UVSSA: variants seen among roughly 807,000 people sequenced by gnomAD.
UVSSA encodes UV-stimulated scaffold protein A.
Under a neutral mutation model 73.9 loss-of-function variants are expected in UVSSA, and 72 were observed. The observed-to-expected ratio is 0.97, with a 90% CI of 0.81 to 1.19. The LOEUF (loss-of-function observed/expected upper bound fraction) is 1.19, where lower values mean the gene tolerates loss of function less well. UVSSA is among the 50% of genes most tolerant of loss of function. The pLI, the probability that UVSSA is intolerant of heterozygous loss-of-function variation, is 0.00. For synonymous variants in UVSSA, 454 were observed against 391.3 expected (o/e 1.16, Z -1.89); for missense variants, 1,150 against 965.0 (o/e 1.19, Z -2.54).
intron 4 of UVSSA, 51 bp downstream of exon 4, chr4:1,351,886 G>T: frequency 6.3e-7 from 1 of 1,598,758 alleles, no homozygotes; most frequent in South Asian, 1.1e-5. Context: ...GGTTGCCCGT[G>T]GTCCAGCAGT....
intron 11 of UVSSA, 144 bp from the exon 12 acceptor site, chr4:1,380,736 G>A (rs767756128): frequency 1.6e-5 from 25 of 1,553,246 alleles, no homozygotes; most frequent in South Asian, 3.6e-5. Flanking sequence ...TCTGAGGGGC[G>A]CGTGATTCCA....
Position 1,353,023 on chromosome 4 carries a change from C to T in UVSSA, c.551-7C>T, listed in dbSNP as rs1412102993. 2.7e-5 allele frequency: 44 copies of T among 1,602,132 alleles called. No individual in the cohort carries two copies. Among genetic ancestry groups the T allele is most frequent in the Non-Finnish European group, 3.4e-5 (40 of 1,173,902 alleles). On this transcript the variant is annotated splice_polypyrimidine_tract_variant and splice_region_variant and intron_variant, in intron 4 of 13. Transcript: ENST00000389851. Reference sequence around the variant, plus strand: ...CGCAGCAAACAGGTGTCTTGATCTTCCGGCAGAAATGTCTGGAGAAATTGA... The same window carrying T: ...CGCAGCAAACAGGTGTCTTGATCTTTCGGCAGAAATGTCTGGAGAAATTGA...
chr4:1,350,649 C>A (rs1714564183), intron 3 of UVSSA, among the ~76,000 whole-genome samples: 1 of 152,136 alleles, frequency 6.6e-6, no homozygotes, highest in Admixed American at 6.5e-5. Context: ...ACTGTGAACA[C>A]CTGGGTGTGA....
exon 14 of UVSSA, chr4:1,395,722 G>A: frequency 6.2e-7 from 1 of 1,614,246 alleles, no homozygotes; most frequent in Non-Finnish European, 8.5e-7. Flanking sequence ...CTGGCATGGT[G>A]GTTCTGTAGG....
intron 5 of UVSSA, 55 bp downstream of exon 5, chr4:1,353,468 G>T: frequency 7.0e-7 from 1 of 1,435,164 alleles, no homozygotes; most frequent in Non-Finnish European, 9.1e-7. Flanking sequence ...TCCCGGGTAG[G>T]CTCCTCCCTC....
At position 1,353,431 on chromosome 4, in the gene UVSSA, G is replaced by A; in HGVS notation, c.934+18G>A. On this transcript the variant is annotated intron_variant, in intron 5 of 13. Transcript: ENST00000389851. ...CTGCTCAGGTAACTGCCTTCGCGGG[G>A]TCTCTGTGGCGCCACCCTGCCCCGG... 1 of 1,467,190 alleles carries A rather than the reference G, an allele frequency of 6.8e-7. No individual in the cohort carries two copies. Among genetic ancestry groups the A allele is most frequent in the Non-Finnish European group, 9.0e-7 (1 of 1,106,024 alleles). 90.9% of individuals were successfully genotyped at this position (1,467,190 alleles called of 1,614,324 possible).
rs117314314 is a variant in UVSSA, at chr4:1,361,338, A to G, written c.1177-4982A>G. On this transcript the variant is annotated intron_variant, in intron 7 of 13. Transcript: ENST00000389851. Reference sequence around the variant, plus strand: ...CTCATTACTGGGAGTGACCTGGGTTAGACGAGAATGGGAAGAGGCCCACAG... The same window carrying G: ...CTCATTACTGGGAGTGACCTGGGTTGGACGAGAATGGGAAGAGGCCCACAG... 3.3e-4 allele frequency among the ~76,000 whole-genome samples: 50 copies of G among 152,368 alleles called. No individual in the cohort carries two copies. The East Asian group carries it at 9.3e-3, about 28-fold the overall frequency.
At chr4:1,372,649 C>T (rs995948450) in intron 8 of UVSSA, among the ~76,000 whole-genome samples, 6 of 151,904 alleles carry the variant, frequency 3.9e-5, no homozygotes, top group African/African-American at 1.2e-4. Flanking sequence ...GTCAACTTTA[C>T]AAAGTCATGT....
At chr4:1,382,401 C>T (rs1231980771) in intron 12 of UVSSA, among the ~76,000 whole-genome samples, 1 of 152,222 alleles carries the variant, frequency 6.6e-6, no homozygotes, top group Non-Finnish European at 1.5e-5. Context: ...GCCTCCCTCG[C>T]GCACGGCGCA....
chr4:1,380,420 G>T (rs1719339387), intron 11 of UVSSA, among the ~76,000 whole-genome samples, 190 bp downstream of exon 11: 1 of 152,206 alleles, frequency 6.6e-6, no homozygotes, highest in African/African-American at 2.4e-5. Flanking sequence ...GGTGTCTGGG[G>T]CTCCTGCCCA....
chr4:1,348,829 T>G (rs1387430893), intron 2 of UVSSA, among the ~76,000 whole-genome samples: 2 of 152,150 alleles, frequency 1.3e-5, no homozygotes, highest in Non-Finnish European at 2.9e-5. Flanking sequence ...GAATTCGCAA[T>G]GGTTTATGTG....
intron 13 of UVSSA, chr4:1,384,866 C>T (rs1026670619): frequency 6.6e-6 from 1 of 152,308 alleles, no homozygotes; most frequent in Non-Finnish European, 1.5e-5. Context: ...CCAGGCTTCC[C>T]CCAGGCTTGT....
At position 1,394,476 on chromosome 4, in the gene UVSSA, AT is replaced by A. The variant is rs771623393; in HGVS notation, c.*8518del. The A allele has an allele frequency of 3.7e-6, 6 of 1,609,980 alleles. No homozygotes were observed. The South Asian group carries it at 6.6e-5, about 18-fold the overall frequency. ...GTGAGCCAGGAAACCCAGTTTTTAA[AT>A]TTCAAATAGCTGTCCAGGTGTCCCT... On this transcript the variant is annotated 3_prime_UTR_variant, in exon 14 of 14. Coordinates refer to the UVSSA transcript ENST00000511216.
intron 8 of UVSSA, among the ~76,000 whole-genome samples, chr4:1,372,458 G>A (rs1718174762): frequency 6.6e-6 from 1 of 152,100 alleles, no homozygotes; most frequent in African/African-American, 2.4e-5. Flanking sequence ...ACTCTTCATT[G>A]TAGAAAGGAT....
intron 10 of UVSSA, among the ~76,000 whole-genome samples, chr4:1,379,028 C>T (rs1197578866): frequency 6.6e-6 from 1 of 150,832 alleles, no homozygotes; most frequent in Non-Finnish European, 1.5e-5. Flanking sequence ...TTCTCCCTAG[C>T]GTGGGCCGTG....
chr4:1,343,124 G>C (rs1392749023), upstream of UVSSA, among the ~76,000 whole-genome samples: 1 of 152,140 alleles, frequency 6.6e-6, no homozygotes, highest in African/African-American at 2.4e-5. Context: ...GAAGACCACG[G>C]ACTAGCGGGT....
intron 8 of UVSSA, among the ~76,000 whole-genome samples, chr4:1,369,575 A>C (rs1717769010): frequency 6.6e-6 from 1 of 152,174 alleles, no homozygotes; most frequent in Non-Finnish European, 1.5e-5. Flanking sequence ...AGGGGCCTTT[A>C]TCTTCCCCTT....
rs773897246 is a variant in UVSSA, at chr4:1,353,325, T to G, written c.846T>G (p.Asp282Glu). The change falls in exon 5 of 14, where the codon GAT becomes GAG. Residue 282 changes from aspartate (D) to glutamate (E), a missense_variant. Coordinates refer to ENST00000389851, the MANE Select transcript of UVSSA (RefSeq NM_020894.4). ...PSQTATGDPSDEDEDSDLEEF... is the reference protein window; with the variant it reads ...PSQTATGDPSEEDEDSDLEEF... ...AGACAGCCACAGGTGACCCCTCAGA[T>G]GAGGACGAGGACAGCGACCTCGAGG... The G allele has an allele frequency of 2.5e-6, 4 of 1,611,820 alleles. No individual in the cohort carries two copies. In the Admixed American group the frequency reaches 6.7e-5, roughly 27 times the overall value.
At chr4:1,366,257 A>G (rs775100986) in intron 7 of UVSSA, 63 bp from the exon 8 acceptor site, 11 of 1,318,298 alleles carry the variant, frequency 8.3e-6, no homozygotes, top group Non-Finnish European at 1.2e-5. Context: ...GGCTCTGCCC[A>G]CCGGGAGCTG....
Sources: allele counts gnomAD v4.1 joint callset (sites outside exome capture counted in the v4.1 genomes callset), GRCh38; gene constraint gnomAD v4.1.1; transcripts MANE v1.5; gene names NCBI Gene and HGNC (gene_info 2026-07-23, HGNC 2026-07-21).